SV2C: variants seen among roughly 807,000 people sequenced by gnomAD.
The protein encoded by SV2C is solute carrier family 22 member B3.
Under a neutral mutation model 79.7 loss-of-function variants are expected in SV2C, and 49 were observed. The ratio of observed to expected loss-of-function variants is 0.61; its 90% CI spans 0.49 to 0.78. The LOEUF (loss-of-function observed/expected upper bound fraction) is 0.78. SV2C is among the 30% of genes least tolerant of loss of function. The probability of loss-of-function intolerance (pLI) is 0.00; values close to 1 mark genes in which losing one functional copy is unlikely to be tolerated. For synonymous variants in SV2C, 334 were observed against 333.2 expected (o/e 1.00, Z -0.03); for missense variants, 833 against 912.9 (o/e 0.91, Z 1.13).
At chr5:76,223,290 T>G (rs1288026593) in intron 4 of SV2C, among the ~76,000 whole-genome samples, 2 of 151,306 alleles carry the variant, frequency 1.3e-5, no homozygotes, top group African/African-American at 4.8e-5. Flanking sequence ...TAGCTGGGCA[T>G]GGTGGCACAC....
intron 1 of SV2C, among the ~76,000 whole-genome samples, chr5:76,107,081 T>C (rs1222878660): frequency 6.6e-6 from 1 of 152,034 alleles, no homozygotes; most frequent in East Asian, 1.9e-4. Flanking sequence ...CAAAAATGAG[T>C]ATACAAAGGA....
chr5:76,112,855 T>C (rs570104607), intron 1 of SV2C, among the ~76,000 whole-genome samples: 1 of 152,304 alleles, frequency 6.6e-6, no homozygotes, highest in South Asian at 2.1e-4. Flanking sequence ...CCTTTATACC[T>C]TCCTCCATGG....
At chr5:76,241,145 C>T (rs901033748) in intron 4 of SV2C, among the ~76,000 whole-genome samples, 11 of 150,788 alleles carry the variant, frequency 7.3e-5, no homozygotes, top group Middle Eastern at 3.4e-3. Context: ...TTAGTAGAGA[C>T]GGGGTTTCAC....
intron 2 of SV2C, among the ~76,000 whole-genome samples, chr5:76,133,262 T>C (rs1748963237): frequency 6.6e-6 from 1 of 152,242 alleles, no homozygotes; most frequent in Non-Finnish European, 1.5e-5. Context: ...TTTATGTGCA[T>C]GTTAAATCTT....
chr5:76,286,507 A>G (rs1018526019), intron 6 of SV2C, among the ~76,000 whole-genome samples: 3 of 152,198 alleles, frequency 2.0e-5, no homozygotes, highest in African/African-American at 7.2e-5. Flanking sequence ...AATACATAGT[A>G]AATGGTAAAA....
chr5:75,875,829 C>T, the SV2C span, among the ~76,000 whole-genome samples: 1 of 151,990 alleles, frequency 6.6e-6, no homozygotes, highest in African/African-American at 2.4e-5. Flanking sequence ...AAAAAAAGCT[C>T]AATATCACTG....
At chr5:75,986,091 G>A in the SV2C span, among the ~76,000 whole-genome samples, 2 of 146,362 alleles carry the variant, frequency 1.4e-5, no homozygotes, top group South Asian at 4.7e-4. Flanking sequence ...GTCGGTTGTG[G>A]TAGGCCATTA....
chr5:75,907,548 TGA>T, the SV2C span, among the ~76,000 whole-genome samples: 1 of 151,992 alleles, frequency 6.6e-6, no homozygotes, highest in Admixed American at 6.6e-5. Flanking sequence ...GAAGAGCCCA[TGA>T]GAGAGAGTAA....
At chr5:76,340,561 G>A (rs1251023076) in intron 12 of SV2C, among the ~76,000 whole-genome samples, 1 of 152,108 alleles carries the variant, frequency 6.6e-6, no homozygotes, top group Non-Finnish European at 1.5e-5. Flanking sequence ...AATCTCAGAA[G>A]GGACTGCAAG....
chr5:76,012,748 T>A, the SV2C span, among the ~76,000 whole-genome samples: 1 of 152,240 alleles, frequency 6.6e-6, no homozygotes, highest in Admixed American at 6.5e-5. Context: ...TTCTTACATC[T>A]AAGTCTTTAA....
intron 12 of SV2C, among the ~76,000 whole-genome samples, chr5:76,344,366 A>C (rs1749498161): frequency 6.6e-6 from 1 of 152,212 alleles, no homozygotes; most frequent in Non-Finnish European, 1.5e-5. Context: ...ATTGAGCTCC[A>C]TCTACGAGAC....
chr5:76,319,398 A>G (rs1748744865), intron 12 of SV2C, among the ~76,000 whole-genome samples: 1 of 152,194 alleles, frequency 6.6e-6, no homozygotes, highest in South Asian at 2.1e-4. Context: ...AGCCTGGGCC[A>G]CAGAGCGAGA....
At chr5:75,895,517 T>C in the SV2C span, among the ~76,000 whole-genome samples, 1 of 152,122 alleles carries the variant, frequency 6.6e-6, no homozygotes, top group Admixed American at 6.6e-5. Context: ...GGAGGAAGCA[T>C]GATGGTGGGG....
At chr5:76,267,168 A>G (rs942978143) in intron 4 of SV2C, among the ~76,000 whole-genome samples, 2 of 152,252 alleles carry the variant, frequency 1.3e-5, no homozygotes, top group African/African-American at 4.8e-5. Flanking sequence ...GACAGCTCAT[A>G]GTAACATGTG....
chr5:76,298,626 T>C (rs1013628058), intron 9 of SV2C, among the ~76,000 whole-genome samples, 168 bp from the exon 10 acceptor site: 3 of 152,078 alleles, frequency 2.0e-5, no homozygotes, highest in Non-Finnish European at 2.9e-5. Context: ...TCAGCCTGGA[T>C]GAGAAAAAGG....
chr5:76,348,324 C>T (rs573562212), intron 12 of SV2C, among the ~76,000 whole-genome samples: 2 of 152,230 alleles, frequency 1.3e-5, no homozygotes, highest in South Asian at 4.2e-4. Context: ...ACGGTGCATC[C>T]ATTTATCTAT....
At chr5:76,049,323 C>CG in the SV2C span, among the ~76,000 whole-genome samples, 721 of 87,956 alleles carry the variant, frequency 8.2e-3, 5 homozygotes, top group African/African-American at 0.037. Flanking sequence ...GGTGACAGAG[C>CG]GAAAAAAAAA....
chr5:75,965,534 A>C, the SV2C span, among the ~76,000 whole-genome samples: 1 of 152,200 alleles, frequency 6.6e-6, no homozygotes, highest in Non-Finnish European at 1.5e-5. Context: ...TGCTCACCAG[A>C]CACCAAATCT....
At chr5:76,023,528 G>A in the SV2C span, among the ~76,000 whole-genome samples, 9 of 152,092 alleles carry the variant, frequency 5.9e-5, no homozygotes, top group African/African-American at 1.9e-4. Flanking sequence ...TGATGTGTGT[G>A]TGTGTTGGGC....
Sources: gnomAD v4.1 joint callset for allele counts (sites outside exome capture counted in the v4.1 genomes callset) on GRCh38, gnomAD v4.1.1 for gene constraint, MANE v1.5 for transcripts, NCBI Gene and HGNC (gene_info 2026-07-23, HGNC 2026-07-21) for gene names.